Variants in TRPM1 observed in about 807,000 individuals in gnomAD.
TRPM1 encodes the protein transient receptor potential cation channel subfamily M member 1.
TRPM1 carries 113 observed loss-of-function variants against 149.4 expected under a neutral mutation model. The observed-to-expected ratio is 0.76, with a 90% confidence interval of 0.65 to 0.88. TRPM1 has a LOEUF of 0.88. TRPM1 is among the 40% of genes least tolerant of loss of function. The pLI is 0.00. For missense variants in TRPM1, 1,976 were observed against 2,038.7 expected (o/e 0.97, Z 0.59); for synonymous variants, 741 against 759.5 (o/e 0.98, Z 0.40).
At chr15:31,006,960 T>C (rs1415664522) in intron 27 of TRPM1, among the ~76,000 whole-genome samples, 1 of 152,194 alleles carries the variant, frequency 6.6e-6, no homozygotes, top group African/African-American at 2.4e-5. Context: ...CATTTTTTTA[T>C]TGGGCCATTT....
chr15:31,045,907 G>T (rs550160093), intron 16 of TRPM1, among the ~76,000 whole-genome samples: 1 of 152,054 alleles, frequency 6.6e-6, no homozygotes, highest in African/African-American at 2.4e-5. Context: ...ATTCTTTTTG[G>T]TGTTATTTTT....
chr15:31,018,522 C>T (rs756759091), intron 27 of TRPM1, among the ~76,000 whole-genome samples: 4 of 150,676 alleles, frequency 2.7e-5, no homozygotes, highest in South Asian at 4.2e-4. Context: ...TACAGGCATG[C>T]GCCACCATGC....
Position 31,002,468 on chromosome 15 carries a change from C to A in TRPM1, c.4232G>T (p.Gly1411Val). 1 of 1,614,212 alleles carries A rather than the reference C, an allele frequency of 6.2e-7. No individual in the cohort carries two copies. Among genetic ancestry groups the A allele is most frequent in the Non-Finnish European group, 8.5e-7 (1 of 1,180,036 alleles). Residue 1411 changes from glycine to valine, a missense_variant, in exon 28 of 28, where the codon GGA becomes GTA. Physicochemically the swap from Gly to Val is moderately radical, Grantham distance 109 (BLOSUM62 -3). Around this residue, in one of 3 missense-constraint regions of TRPM1, gnomAD observed 572 missense variants for 578.9 expected, o/e 0.99. Coordinates refer to ENST00000256552, the MANE Select transcript of TRPM1 (RefSeq NM_001252024.2). The stretch of plus-strand genomic sequence containing the variant: ...GTTTTGAACATCTGATTTGTCCTGT[C>A]CATGTATCACATCTGTTTTATTTAA... Reference protein sequence around the residue: ...PSLNKTDVIHGQDKSDVQNTQ... With the variant: ...PSLNKTDVIHVQDKSDVQNTQ...
At chr15:31,003,849 C>G (rs1328689932) in intron 27 of TRPM1, among the ~76,000 whole-genome samples, 8 of 150,074 alleles carry the variant, frequency 5.3e-5, no homozygotes, top group African/African-American at 2.4e-5. Flanking sequence ...TAAATGCCTG[C>G]TATTAGTTTT....
At chr15:31,107,059 T>C (rs948950782) in intron 1 of TRPM1, among the ~76,000 whole-genome samples, 2 of 152,216 alleles carry the variant, frequency 1.3e-5, no homozygotes, top group African/African-American at 4.8e-5. Context: ...TGGGTAAAAC[T>C]GGCCTCATAA....
intron 1 of TRPM1, among the ~76,000 whole-genome samples, chr15:31,138,398 T>C (rs1178368800): frequency 6.6e-6 from 1 of 152,164 alleles, no homozygotes; most frequent in Admixed American, 6.6e-5. Context: ...ACCCCACTCT[T>C]ACGGGACAAC....
intron 21 of TRPM1, 120 bp downstream of exon 21, chr15:31,035,426 A>G (rs2033314337): frequency 1.4e-6 from 2 of 1,422,374 alleles, no homozygotes; most frequent in African/African-American, 1.4e-5. Flanking sequence ...GATTACAGGC[A>G]TGAGCCACCA....
Position 31,032,856 on chromosome 15 carries a change from T to A in TRPM1, c.2785A>T (p.Ile929Phe). ...ATTGCTCCAATCATGAATGTGGAAA[T>A]GGCCACGAGATCTGTGATGTTCCAG... ...EYWNITDLVAISTFMIGAILR... is the reference protein window; with the variant it reads ...EYWNITDLVAFSTFMIGAILR... The change falls in exon 22 of 28, where the codon ATT (isoleucine) becomes TTT (phenylalanine). Residue 929 changes from isoleucine to phenylalanine, a missense_variant. Coordinates refer to ENST00000256552, the MANE Select transcript of TRPM1 (RefSeq NM_001252024.2). 6.2e-7 allele frequency: 1 copy of A among 1,614,226 alleles called. No homozygotes were observed. Among genetic ancestry groups the A allele is most frequent in the South Asian group, 1.1e-5 (1 of 91,080 alleles).
intron 11 of TRPM1, among the ~76,000 whole-genome samples, chr15:31,053,253 T>C: frequency 6.6e-6 from 1 of 152,148 alleles, no homozygotes; most frequent in East Asian, 1.9e-4. Context: ...ATTATCTTTT[T>C]TTTTCCTTTT....
chr15:31,011,487 C>T (rs991159437), intron 27 of TRPM1, among the ~76,000 whole-genome samples: 2 of 152,050 alleles, frequency 1.3e-5, no homozygotes, highest in Non-Finnish European at 2.9e-5. Flanking sequence ...AACCCCTGGG[C>T]TTAAGTGATC....
At chr15:31,161,035 C>T (rs2036438477) in exon 1 of TRPM1, 4 of 1,440,444 alleles carry the variant, frequency 2.8e-6, no homozygotes, top group Non-Finnish European at 3.8e-6. Flanking sequence ...GCTGCCCTCC[C>T]TGGGTGGGCA....
rs2031858399 is a variant in TRPM1 at position 31,003,184 on chromosome 15, T to C, written c.3630-114A>G. The C allele has an allele frequency of 4.4e-6, 4 of 916,174 alleles. No individual in the cohort carries two copies. The South Asian group carries it at 7.3e-5, about 17-fold the overall frequency. 56.8% of individuals were successfully genotyped at this position (916,174 alleles called of 1,614,324 possible). A position where few individuals can be genotyped will look rare whatever the true frequency, so the allele number is the denominator to read the frequency against. ...AGAATTTTAATACATATGGAACTGT[T>C]TGAGTATATTTACAAGCTTCACAAT... On this transcript the variant is annotated intron_variant, in intron 27 of 27. Transcript: ENST00000256552.
chr15:31,004,912 G>A (rs976428023), intron 27 of TRPM1, among the ~76,000 whole-genome samples: 1 of 151,996 alleles, frequency 6.6e-6, no homozygotes, highest in Non-Finnish European at 1.5e-5. Flanking sequence ...GACCAGCCTG[G>A]CCAATATGGT....
chr15:31,075,736 G>A (rs2034671108), intron 3 of TRPM1, among the ~76,000 whole-genome samples: 1 of 152,196 alleles, frequency 6.6e-6, no homozygotes, highest in Non-Finnish European at 1.5e-5. Context: ...TGGGCAGAGG[G>A]AGGGAGGAAA....
chr15:31,131,905 T>C (rs1036773048), intron 1 of TRPM1, among the ~76,000 whole-genome samples: 4 of 151,626 alleles, frequency 2.6e-5, no homozygotes, highest in Admixed American at 6.6e-5. Flanking sequence ...CATACTAAAA[T>C]GACAGCTTGG....
chr15:31,037,556 C>T (rs572404524), intron 20 of TRPM1, among the ~76,000 whole-genome samples, 155 bp downstream of exon 20: 6 of 152,276 alleles, frequency 3.9e-5, no homozygotes, highest in South Asian at 2.1e-4. Flanking sequence ...CAATGTTAGC[C>T]AGAGATCTCA....
At chr15:31,071,277 G>T (rs1242329102) in intron 3 of TRPM1, among the ~76,000 whole-genome samples, 1 of 152,202 alleles carries the variant, frequency 6.6e-6, no homozygotes, top group Non-Finnish European at 1.5e-5. Context: ...ATGGAGGGAG[G>T]TCTGTTCCTG....
Position 31,139,187 on chromosome 15 carries a change from A to G in TRPM1, c.54+21719T>C, listed in dbSNP as rs1007073337. Among the ~76,000 whole-genome samples the G allele has an allele frequency of 1.1e-4, 16 of 152,328 alleles. 1 individual carries two copies. The highest frequency in any genetic ancestry group is 1.0e-3 in the Admixed American group (16 of 15,308). ...TGGGGCCATAACTCTTGTCCCATGAAAAAGGCAGGCATATCAGAAGGCACA... is the reference window on the plus strand; with the variant it reads ...TGGGGCCATAACTCTTGTCCCATGAGAAAGGCAGGCATATCAGAAGGCACA... On this transcript the variant is annotated intron_variant, in intron 1 of 26. Coordinates refer to the TRPM1 transcript ENST00000542188.
intron 27 of TRPM1, among the ~76,000 whole-genome samples, chr15:31,023,001 G>A (rs563309231): frequency 3.3e-5 from 5 of 152,314 alleles, no homozygotes; most frequent in East Asian, 1.9e-4. Context: ...GGCACAGAGC[G>A]AGACCTTGTC....
Sources: gnomAD v4.1 joint callset for allele counts (sites outside exome capture counted in the v4.1 genomes callset) on GRCh38, gnomAD v4.1.1 for gene constraint, gnomAD v4.1.1 regional missense constraint, MANE v1.5 for transcripts, NCBI Gene and HGNC (gene_info 2026-07-23, HGNC 2026-07-21) for gene names.